Variants in ING5 observed in about 807,000 individuals in gnomAD.
ING5 encodes inhibitor of growth family member 5.
In ING5, 17 loss-of-function variants were observed where a neutral mutation model predicts 37.4. That is an observed-to-expected ratio of 0.45 (90% CI 0.31 to 0.68). The LOEUF (loss-of-function observed/expected upper bound fraction) is 0.68. Among genes scored for constraint, ING5 ranks in the 30% least tolerant of loss-of-function variants. The probability of loss-of-function intolerance (pLI) is 0.05; values close to 1 mark genes in which losing one functional copy is unlikely to be tolerated. For synonymous variants in ING5, 123 were observed against 116.6 expected (o/e 1.06, Z -0.36); for missense variants, 233 against 311.9 (o/e 0.75, Z 1.91).
rs1235980623 is a variant in ING5, at chr2:241,711,447, A to T, written c.347A>T (p.Glu116Val). 1 of 1,606,132 alleles carries T rather than the reference A, an allele frequency of 6.2e-7. No homozygotes were observed. The highest frequency in any genetic ancestry group is 1.7e-5 in the Admixed American group (1 of 58,018). Residue 116 changes from glutamate to valine, a missense_variant, in exon 4 of 8, where the codon GAG (glutamate) becomes GTG (valine). Physicochemically the swap from Glu to Val is moderately radical, Grantham distance 121. This residue lies in a region of ING5 where 76 missense variants were observed against 68.2 expected (regional missense o/e 1.11). Coordinates refer to ENST00000313552, the MANE Select transcript of ING5 (RefSeq NM_032329.6). ...GAAGCAGATCTGAAGGACAAGATGG[A>T]GGGCAGTGATTTTGAAAGCTCCGGA... Reference protein sequence around the residue: ...RFEADLKDKMEGSDFESSGGR... With the variant: ...RFEADLKDKMVGSDFESSGGR...
rs546962321 is a variant in ING5, at chr2:241,726,343, C to G, written c.*1312C>G. 6 of 152,252 alleles carry G rather than the reference C, an allele frequency of 3.9e-5. No individual in the cohort carries two copies. The highest frequency in any genetic ancestry group is 7.3e-5 in the Non-Finnish European group (5 of 68,048). The allele number at this position is 152,252 out of a possible 1,614,324, so 9.4% of individuals were successfully genotyped here. A position where few individuals can be genotyped will look rare whatever the true frequency, so the allele number is the denominator to read the frequency against. On this transcript the variant is annotated 3_prime_UTR_variant, in exon 8 of 8. Coordinates refer to ENST00000313552, the MANE Select transcript of ING5 (RefSeq NM_032329.6). ...CCTCACTTCCTTCTGATGGCTACAT[C>G]TGTATCTTTTCCTCCTGTGTTTAAT...
intron 2 of ING5, among the ~76,000 whole-genome samples, 158 bp downstream of exon 2, chr2:241,704,882 T>C (rs2069855950): frequency 6.6e-6 from 1 of 152,212 alleles, no homozygotes; most frequent in African/African-American, 2.4e-5. Context: ...TTGCAGTAGG[T>C]GTTGATACTT....
upstream of ING5, chr2:241,701,896 C>A: frequency 2.9e-6 from 1 of 347,616 alleles, no homozygotes; most frequent in Non-Finnish European, 5.1e-6. Flanking sequence ...TCCGCCCGGG[C>A]CCCGCAGCCC....
At chr2:241,706,902 G>A (rs2069932448) in intron 2 of ING5, among the ~76,000 whole-genome samples, 1 of 146,514 alleles carries the variant, frequency 6.8e-6, no homozygotes. Context: ...CTTTTGAGAT[G>A]TTTCCTTTAT....
chr2:241,706,486 G>A (rs1183115617), intron 2 of ING5, among the ~76,000 whole-genome samples: 7 of 151,888 alleles, frequency 4.6e-5, no homozygotes, highest in Admixed American at 2.0e-4. Context: ...AAAATTAGCC[G>A]GGTGTGGTGG....
rs906358029 is a variant in ING5 at position 241,729,063 on chromosome 2, G to T, written c.*4032G>T. 2 of 152,308 alleles carry T rather than the reference G, an allele frequency of 1.3e-5. No individual in the cohort carries two copies. Among genetic ancestry groups the T allele is most frequent in the Non-Finnish European group, 2.9e-5 (2 of 68,048 alleles). The allele number at this position is 152,308 out of a possible 1,614,324, so 9.4% of individuals were successfully genotyped here. A position where few individuals can be genotyped will look rare whatever the true frequency, so the allele number is the denominator to read the frequency against. ...CCCTGTCCTAGGTTAGGTCTTCATG[G>T]TTTAGAGTAAAACCGTGAGGGATGT... is the stretch of plus-strand genomic sequence containing the variant. On this transcript the variant is annotated 3_prime_UTR_variant, in exon 8 of 8. Transcript: ENST00000313552.
upstream of ING5, among the ~76,000 whole-genome samples, chr2:241,700,861 A>G (rs2069706301): frequency 6.7e-6 from 1 of 149,362 alleles, no homozygotes; most frequent in Non-Finnish European, 1.5e-5. Context: ...CCTGCCCTCA[A>G]GTGATCCGCC....
chr2:241,707,224 G>T (rs577401281), intron 2 of ING5, among the ~76,000 whole-genome samples: 1 of 151,974 alleles, frequency 6.6e-6, no homozygotes, highest in Non-Finnish European at 1.5e-5. Context: ...CTCCCAAAGT[G>T]CTGGTATTAC....
intron 5 of ING5, chr2:241,722,467 G>A: frequency 7.1e-6 from 7 of 985,386 alleles, no homozygotes; most frequent in African/African-American, 1.7e-5. Flanking sequence ...CCATGCCCCT[G>A]CCTGGGCCCG....
chr2:241,714,610 T>C (rs1007207324), intron 5 of ING5, among the ~76,000 whole-genome samples: 11 of 147,196 alleles, frequency 7.5e-5, no homozygotes, highest in East Asian at 3.9e-4. Flanking sequence ...TTTTTTTTTT[T>C]CCCTGAGGGC....
intron 2 of ING5, among the ~76,000 whole-genome samples, chr2:241,707,834 C>A (rs1041056081): frequency 1.3e-5 from 2 of 152,192 alleles, no homozygotes; most frequent in Non-Finnish European, 2.9e-5. Context: ...AGTCATGACA[C>A]CCCTCCCCAA....
intron 5 of ING5, among the ~76,000 whole-genome samples, chr2:241,716,171 T>C (rs1398811813): frequency 6.6e-6 from 1 of 152,088 alleles, no homozygotes; most frequent in Non-Finnish European, 1.5e-5. Flanking sequence ...TTCACCATCT[T>C]GCTATTAGTT....
intron 3 of ING5, 58 bp from the exon 4 acceptor site, chr2:241,711,319 G>A (rs2070106004): frequency 3.3e-6 from 4 of 1,205,176 alleles, no homozygotes; most frequent in Non-Finnish European, 4.5e-6. Context: ...TTGTACATTC[G>A]TGATTCTGAG....
chr2:241,692,295 A>AT lies in ING5; in HGVS notation c.43+1652dup, dbSNP rs564724566. ...TGAAACCTTAACTTTTCCCTTTGAG[A>AT]TTTTTTTTTTATTTTAATTTTTTTT... On this transcript the variant is annotated intron_variant, in intron 2 of 7. Coordinates refer to the ING5 transcript ENST00000636051. Among the ~76,000 whole-genome samples, 950 of 149,490 alleles carry AT rather than the reference A, an allele frequency of 6.4e-3. 11 individuals are homozygous for AT. Among genetic ancestry groups the AT allele is most frequent in the African/African-American group, 0.021 (847 of 40,742 alleles).
intron 1 of ING5, 59 bp downstream of exon 1, chr2:241,702,161 C>A (rs929218396): frequency 9.3e-7 from 1 of 1,079,468 alleles, no homozygotes; most frequent in African/African-American, 1.7e-5. Flanking sequence ...CGTGCCGCAG[C>A]CCCCCGCGCG....
intron 5 of ING5, chr2:241,719,844 C>T (rs1037917542): frequency 6.4e-6 from 9 of 1,404,104 alleles, no homozygotes; most frequent in Non-Finnish European, 8.3e-6. Context: ...AGCCTGGGAG[C>T]TCAGCGCTGC....
intron 7 of ING5, among the ~76,000 whole-genome samples, chr2:241,723,575 C>T (rs759565288): frequency 3.9e-5 from 6 of 152,322 alleles, no homozygotes; most frequent in Admixed American, 6.5e-5. Context: ...GACAACCTTC[C>T]GGACTCTGGG....
At chr2:241,717,034 C>T (rs1003869236) in intron 5 of ING5, among the ~76,000 whole-genome samples, 17 of 151,794 alleles carry the variant, frequency 1.1e-4, no homozygotes, top group African/African-American at 4.1e-4. Flanking sequence ...AAAGTCACCC[C>T]ATATATAGTT....
chr2:241,702,480 C>A (rs2069773248), intron 1 of ING5, among the ~76,000 whole-genome samples: 1 of 152,070 alleles, frequency 6.6e-6, no homozygotes, highest in Non-Finnish European at 1.5e-5. Context: ...CCGTCCCTGT[C>A]CCGTCTGCAG....
Sources: allele counts gnomAD v4.1 joint callset (sites outside exome capture counted in the v4.1 genomes callset), GRCh38; gene constraint gnomAD v4.1.1; regional missense constraint gnomAD v4.1.1; transcripts MANE v1.5; gene names NCBI Gene and HGNC (gene_info 2026-07-23, HGNC 2026-07-21).